FRMPD4: variants seen among roughly 807,000 people sequenced by gnomAD.
FRMPD4 encodes the protein FERM and PDZ domain containing 4.
FRMPD4 carries 22 observed loss-of-function variants against 94.1 expected under a neutral mutation model. The observed-to-expected ratio is 0.23, with a 90% CI of 0.17 to 0.33. FRMPD4 has a LOEUF of 0.33. Ranked by LOEUF, FRMPD4 falls within the 10% of genes least tolerant of loss-of-function variation. The pLI, the probability that FRMPD4 is intolerant of heterozygous loss-of-function variation, is 1.00. For missense variants in FRMPD4, 1,111 were observed against 1,339.9 expected (o/e 0.83, Z 2.67); for synonymous variants, 631 against 548.6 (o/e 1.15, Z -2.10).
intron 3 of FRMPD4, among the ~76,000 whole-genome samples, chrX:12,100,415 A>T (rs916837134): frequency 1.8e-5 from 2 of 111,538 alleles, no homozygotes; most frequent in African/African-American, 6.5e-5. Flanking sequence ...CCTCAGTGTC[A>T]CACAGCTAAT....
At chrX:11,990,353 G>T (rs1485941619) in intron 3 of FRMPD4, among the ~76,000 whole-genome samples, 2 of 112,144 alleles carry the variant, frequency 1.8e-5, no homozygotes, top group African/African-American at 6.5e-5. Flanking sequence ...CCATTGGGGG[G>T]ATGAAAATAT....
intron 1 of FRMPD4, among the ~76,000 whole-genome samples, chrX:12,331,775 TTATATATTTATATACTGTATATAAATTA>T (rs1167079832): frequency 9.5e-5 from 4 of 42,058 alleles, no homozygotes; most frequent in African/African-American, 4.1e-4. Flanking sequence ...AAATTATATA[TTATATATTTATATACTGTATATAAATTA>T]TATATATTTA....
chrX:12,272,013 T>C (rs190549414), intron 1 of FRMPD4, among the ~76,000 whole-genome samples: 26 of 112,520 alleles, frequency 2.3e-4, no homozygotes, highest in African/African-American at 8.4e-4. Flanking sequence ...ACAGGGATTA[T>C]GGAGCCAGAT....
chrX:12,502,816 G>A (rs2057938515), intron 2 of FRMPD4, among the ~76,000 whole-genome samples: 1 of 112,159 alleles, frequency 8.9e-6, no homozygotes, highest in African/African-American at 3.2e-5. Flanking sequence ...TAGATGATTA[G>A]ATACAGATAT....
At chrX:12,427,084 TA>T (rs2056954516) in intron 1 of FRMPD4, among the ~76,000 whole-genome samples, 2 of 111,944 alleles carry the variant, frequency 1.8e-5, no homozygotes, top group Non-Finnish European at 3.8e-5. Flanking sequence ...AAGCATAATG[TA>T]AAACATTAGT....
At chrX:12,016,698 G>C (rs17327906) in intron 3 of FRMPD4, among the ~76,000 whole-genome samples, 7,859 of 111,852 alleles carry the variant, frequency 0.07, 267 homozygotes, top group East Asian at 0.24. Context: ...GCCAACAAAT[G>C]GAAATCTCTG....
chrX:12,636,139 G>A (rs2059441301), intron 4 of FRMPD4, among the ~76,000 whole-genome samples: 1 of 111,605 alleles, frequency 9.0e-6, no homozygotes, highest in South Asian at 3.7e-4. Flanking sequence ...CTCTTCCATG[G>A]TCTCATAAAA....
In FRMPD4 at chrX:12,111,107, C is replaced by G. The variant is rs1357441836; in HGVS notation, c.95+233089C>G. On this transcript the variant is annotated intron_variant, in intron 3 of 18. Transcript: ENST00000640291. ...ATGGAACCAAAAAAGGGCCCGCATT[C>G]CCAAGACAATCCTAAGCCAAAAGAA... Among the ~76,000 whole-genome samples, 6 of 111,522 alleles carry G rather than the reference C, an allele frequency of 5.4e-5. No individual in the cohort carries two copies. In the South Asian group the frequency reaches 1.9e-3, roughly 35 times the overall value.
chrX:12,077,193 C>T (rs765983023), intron 3 of FRMPD4, among the ~76,000 whole-genome samples: 2 of 112,365 alleles, frequency 1.8e-5, no homozygotes, highest in East Asian at 2.8e-4. Flanking sequence ...CCTCCTCCAT[C>T]GCAAATTTAC....
intron 9 of FRMPD4, among the ~76,000 whole-genome samples, chrX:12,697,326 A>G (rs61339579): frequency 0.16 from 18,306 of 111,269 alleles, 1,883 homozygotes; most frequent in African/African-American, 0.38. Flanking sequence ...TCCCTGCTGA[A>G]AACCAACCCA....
chrX:12,310,850 G>C (rs1002180537), intron 1 of FRMPD4, among the ~76,000 whole-genome samples: 4 of 112,080 alleles, frequency 3.6e-5, no homozygotes, highest in African/African-American at 1.3e-4. Context: ...ATTTCTTGAT[G>C]CTTTATTTAT....
chrX:12,385,596 A>G (rs766606290), intron 1 of FRMPD4, among the ~76,000 whole-genome samples: 11 of 112,706 alleles, frequency 9.8e-5, no homozygotes, highest in Non-Finnish European at 1.5e-4. Context: ...GCCAATCAAC[A>G]AAAGTTTACC....
chrX:12,120,171 A>C (rs2055442513), intron 3 of FRMPD4, among the ~76,000 whole-genome samples: 1 of 112,208 alleles, frequency 8.9e-6, no homozygotes, highest in Non-Finnish European at 1.9e-5. Flanking sequence ...GTATAAGAAA[A>C]GAGAACTATG....
chrX:12,068,801 T>C (rs759049237), intron 3 of FRMPD4, among the ~76,000 whole-genome samples: 15 of 112,374 alleles, frequency 1.3e-4, no homozygotes, highest in Non-Finnish European at 2.8e-4. Flanking sequence ...GCACTCTATA[T>C]AAATACCCAT....
At chrX:12,354,365 C>T (rs1331023799) in intron 1 of FRMPD4, among the ~76,000 whole-genome samples, 1 of 112,142 alleles carries the variant, frequency 8.9e-6, no homozygotes, top group Non-Finnish European at 1.9e-5. Flanking sequence ...AATGGCTACT[C>T]ATGCTCAGGA....
intron 1 of FRMPD4, among the ~76,000 whole-genome samples, chrX:12,216,107 C>T (rs5978503): frequency 0.088 from 9,829 of 111,577 alleles, 1,018 homozygotes; most frequent in African/African-American, 0.3. Context: ...TTCAATTACC[C>T]CAAATCTTAG....
chrX:12,070,012 A>C (rs2054953301), intron 3 of FRMPD4, among the ~76,000 whole-genome samples: 1 of 111,771 alleles, frequency 8.9e-6, no homozygotes, highest in South Asian at 3.7e-4. Context: ...AAGACAAACA[A>C]AGAAATGAGC....
At chrX:12,356,749 C>T (rs1411777765) in intron 1 of FRMPD4, among the ~76,000 whole-genome samples, 1 of 111,744 alleles carries the variant, frequency 8.9e-6, no homozygotes, top group Non-Finnish European at 1.9e-5. Flanking sequence ...ACATAAATGC[C>T]ATTGTGCTAT....
chrX:11,917,967 C>G, intron 3 of FRMPD4, among the ~76,000 whole-genome samples: 1 of 111,348 alleles, frequency 9.0e-6, no homozygotes, highest in Admixed American at 9.5e-5. Context: ...TGTGACTGCC[C>G]TATTGTCACA....
Sources: gnomAD v4.1 joint callset for allele counts (sites outside exome capture counted in the v4.1 genomes callset) on GRCh38, gnomAD v4.1.1 for gene constraint, MANE v1.5 for transcripts, NCBI Gene and HGNC (gene_info 2026-07-23, HGNC 2026-07-21) for gene names.